SERPINA6: variants seen among roughly 807,000 people sequenced by gnomAD.
SERPINA6 encodes the protein serpin family A member 6.
Under a neutral mutation model 26.4 loss-of-function variants are expected in SERPINA6, and 19 were observed. The observed-to-expected ratio is 0.72, with a 90% CI of 0.50 to 1.06. SERPINA6 has a LOEUF of 1.06. SERPINA6 is among the 50% of genes least tolerant of loss of function. The probability of loss-of-function intolerance (pLI) is 0.00; values close to 1 mark genes in which losing one functional copy is unlikely to be tolerated. For missense variants in SERPINA6, 473 were observed against 504.0 expected, an observed-to-expected ratio of 0.94 and a Z score of 0.59; for synonymous variants, 196 against 199.4, an observed-to-expected ratio of 0.98 and a Z score of 0.14.
At chr14:94,311,103 G>A (rs746518415) in intron 2 of SERPINA6, among the ~76,000 whole-genome samples, 3 of 152,244 alleles carry the variant, frequency 2.0e-5, no homozygotes, top group Non-Finnish European at 4.4e-5. Context: ...GCTGATGGAT[G>A]TAGAGAAATC....
chr14:94,315,224 A>G (rs1895597257), intron 1 of SERPINA6, among the ~76,000 whole-genome samples: 1 of 152,238 alleles, frequency 6.6e-6, no homozygotes, highest in Non-Finnish European at 1.5e-5. Context: ...ATGCGTGGGC[A>G]ATTATAAGTT....
intron 2 of SERPINA6, among the ~76,000 whole-genome samples, chr14:94,312,965 C>T (rs566684679): frequency 6.6e-6 from 1 of 152,308 alleles, no homozygotes; most frequent in Admixed American, 6.5e-5. Context: ...GCTGTTTTAC[C>T]TGCATTCCTT....
At chr14:94,319,192 C>T (rs1170201916) in intron 1 of SERPINA6, among the ~76,000 whole-genome samples, 2 of 152,218 alleles carry the variant, frequency 1.3e-5, no homozygotes. Context: ...ATGGCCCGTG[C>T]CTGTAATCCC....
At chr14:94,305,739 T>A (rs1895428026) in intron 4 of SERPINA6, among the ~76,000 whole-genome samples, 1 of 152,188 alleles carries the variant, frequency 6.6e-6, no homozygotes, top group African/African-American at 2.4e-5. Context: ...ATTTACCACT[T>A]TTCCTGTTTC....
At chr14:94,304,646 C>T (rs1357340108) in intron 4 of SERPINA6, 43 bp from the exon 5 acceptor site, 22 of 1,531,240 alleles carry the variant, frequency 1.4e-5, no homozygotes, top group South Asian at 6.8e-5. Context: ...ACCTGCTGTG[C>T]GTTCTCGCTT....
chr14:94,306,146 C>T lies in SERPINA6; in HGVS notation c.957G>A (p.Met319Ile), dbSNP rs772097363. 9 of 1,614,074 alleles carry T rather than the reference C, an allele frequency of 5.6e-6. No homozygotes were observed. In the African/African-American group the frequency reaches 8.0e-5, roughly 14 times the overall value. ...GGTTGGTGAACAAGTCTGCAATGCCCATTTCCTCCAGCACATCTCCGAGGT... is the reference window on the plus strand; with the variant it reads ...GGTTGGTGAACAAGTCTGCAATGCCTATTTCCTCCAGCACATCTCCGAGGT... ...VYDLGDVLEE[M>I]GIADLFTNQA... The change falls in exon 4 of 5, where the codon ATG (methionine) becomes ATA (isoleucine). Residue 319 changes from methionine (M) to isoleucine (I), a missense_variant. Transcript: ENST00000341584.
chr14:94,311,163 T>G (rs8005719), intron 2 of SERPINA6, among the ~76,000 whole-genome samples: 109,089 of 152,070 alleles, frequency 0.72, 39,799 homozygotes, highest in East Asian at 0.99. Flanking sequence ...GGTCCCTTCT[T>G]AATGACCTCA....
chr14:94,311,958 A>AAAATAAAT (rs770141716), intron 2 of SERPINA6, among the ~76,000 whole-genome samples: 2 of 152,096 alleles, frequency 1.3e-5, no homozygotes, highest in African/African-American at 2.4e-5. Context: ...AAAAAAAATA[A>AAAATAAAT]AAATAAATAA....
rs758124674 is a variant in SERPINA6 at position 94,309,922 on chromosome 14, A to C, written c.698T>G (p.Met233Arg). The C allele has an allele frequency of 2.5e-6, 4 of 1,614,190 alleles. No individual in the cohort carries two copies. The highest frequency in any genetic ancestry group is 3.4e-6 in the Non-Finnish European group (4 of 1,180,024). The change falls in exon 3 of 5, where the codon ATG becomes AGG. Residue 233 changes from methionine to arginine, a missense_variant. By Grantham distance (91) the Met-to-Arg change is moderately conservative. Transcript: ENST00000341584. ...ACTGATGGTGCTCGACTGCAACATC[A>C]TGGGCACCTTCACCACAGTTGTCTC... The part of the protein sequence containing the change: ...VDETTVVKVP[M>R]MLQSSTISYL...
Position 94,314,397 on chromosome 14 carries a change from G to A in SERPINA6, c.252C>T (p.His84=). ...LAMLSLGTCG[H]TRAQLLQGLG... ...GGCCCTGGAGAAGCTGGGCCCGTGT[G>A]TGGCCACAGGTGCCCAGGGACAGCA... is the stretch of plus-strand genomic sequence containing the variant. The change falls in exon 2 of 5, where the codon CAC becomes CAT. Residue 84 remains histidine (H), a synonymous_variant. Transcript: ENST00000341584. 6.2e-7 allele frequency: 1 copy of A among 1,614,202 alleles called. No individual in the cohort carries two copies. The highest frequency in any genetic ancestry group is 8.5e-7 in the Non-Finnish European group (1 of 1,180,040).
intron 3 of SERPINA6, among the ~76,000 whole-genome samples, chr14:94,307,263 C>T (rs1895454708): frequency 6.6e-6 from 1 of 152,076 alleles, no homozygotes. Context: ...CACATACGCA[C>T]CTATGAAGTC....
In SERPINA6 at chr14:94,309,743, T is replaced by C; in HGVS notation, c.877A>G (p.Thr293Ala). The change falls in exon 3 of 5, where the codon ACC becomes GCC. Residue 293 changes from threonine to alanine, a missense_variant. Thr to Ala is a moderately conservative substitution (Grantham distance 58, BLOSUM62 0). Transcript: ENST00000341584. ...GATGGCTGGAGGACTTACCTGCTGGTCAGGCCTGCGGACCACCTGTTAATC... is the reference window on the plus strand; with the variant it reads ...GATGGCTGGAGGACTTACCTGCTGGCCAGGCCTGCGGACCACCTGTTAATC... ...DTINRWSAGL[T>A]SSQVDLYIPK... 1 of 1,613,964 alleles carries C rather than the reference T, an allele frequency of 6.2e-7. No individual in the cohort carries two copies. The highest frequency in any genetic ancestry group is 1.1e-5 in the South Asian group (1 of 91,076).
chr14:94,316,210 T>C (rs1347905227), intron 1 of SERPINA6, among the ~76,000 whole-genome samples: 2 of 152,232 alleles, frequency 1.3e-5, no homozygotes, highest in Non-Finnish European at 2.9e-5. Flanking sequence ...CTGCATCTCA[T>C]TGTGATTGAA....
intron 2 of SERPINA6, among the ~76,000 whole-genome samples, chr14:94,313,488 T>C (rs1450574478): frequency 6.6e-6 from 1 of 152,190 alleles, no homozygotes; most frequent in African/African-American, 2.4e-5. Context: ...AGGTGGGAAT[T>C]TGCAATTACT....
chr14:94,314,306 G>T lies in SERPINA6; in HGVS notation c.343C>A (p.Leu115Ile), dbSNP rs756569160. ...IHQGFQHLHQ[L>I]FAKSDTSLEM... ...AAGCTGGTGTCTGACTTTGCAAAGAGTTGGTGCAGGTGCTGGAAACCCTGG... is the reference window on the plus strand; with the variant it reads ...AAGCTGGTGTCTGACTTTGCAAAGATTTGGTGCAGGTGCTGGAAACCCTGG... The change falls in exon 2 of 5, where the codon CTC (leucine) becomes ATC (isoleucine). Residue 115 changes from leucine (L) to isoleucine (I), a missense_variant. By Grantham distance (5) the Leu-to-Ile change is conservative. Transcript: ENST00000341584. The T allele has an allele frequency of 7.4e-6, 12 of 1,614,114 alleles. No homozygotes were observed. In the Admixed American group the frequency reaches 1.8e-4, roughly 25 times the overall value.
rs1305083030 is a variant in SERPINA6 at position 94,306,117 on chromosome 14, G to A, written c.986C>T (p.Ala329Val). 2 of 1,614,080 alleles carry A rather than the reference G, an allele frequency of 1.2e-6. No homozygotes were observed. Among genetic ancestry groups the A allele is most frequent in the Non-Finnish European group, 1.7e-6 (2 of 1,180,042 alleles). ...MGIADLFTNQ[A>V]NFSRITQDAQ... Reference sequence around the variant, plus strand: ...GTCCTGGGTGATGCGTGAGAAATTTGCCTGGTTGGTGAACAAGTCTGCAAT... The same window carrying A: ...GTCCTGGGTGATGCGTGAGAAATTTACCTGGTTGGTGAACAAGTCTGCAAT... The change falls in exon 4 of 5, where the codon GCA (alanine) becomes GTA (valine). Residue 329 changes from alanine to valine, a missense_variant. Ala to Val is a moderately conservative substitution (Grantham distance 64). Coordinates refer to ENST00000341584, the MANE Select transcript of SERPINA6 (RefSeq NM_001756.4).
At chr14:94,312,861 G>A (rs994118656) in intron 2 of SERPINA6, among the ~76,000 whole-genome samples, 2 of 152,162 alleles carry the variant, frequency 1.3e-5, no homozygotes, top group African/African-American at 4.8e-5. Context: ...GGGGGCATGA[G>A]GGGTCCTGGC....
intron 1 of SERPINA6, among the ~76,000 whole-genome samples, chr14:94,315,913 T>A (rs539734097): frequency 1.4e-5 from 2 of 138,496 alleles, no homozygotes; most frequent in East Asian, 4.6e-4. Flanking sequence ...GTGGTTATTA[T>A]GGGGATTACA....
intron 3 of SERPINA6, 145 bp downstream of exon 3, chr14:94,309,591 T>G: frequency 1.2e-6 from 1 of 864,028 alleles, no homozygotes; most frequent in Non-Finnish European, 1.9e-6. Flanking sequence ...ACTTACAGCC[T>G]TTGGGGGCCC....
Sources: gnomAD v4.1 joint callset for allele counts (sites outside exome capture counted in the v4.1 genomes callset) on GRCh38, gnomAD v4.1.1 for gene constraint, MANE v1.5 for transcripts, NCBI Gene and HGNC (gene_info 2026-07-23, HGNC 2026-07-21) for gene names.